Variants in CD247 observed in about 807,000 individuals in gnomAD.
The protein encoded by CD247 is T-cell surface glycoprotein CD3 zeta chain.
CD247 carries 13 observed loss-of-function variants against 30.0 expected under a neutral mutation model. The observed-to-expected ratio is 0.43, with a 90% confidence interval of 0.28 to 0.69. The LOEUF is 0.69. Among genes scored for constraint, CD247 ranks in the 30% least tolerant of loss-of-function variants. The pLI is 0.16. For missense variants in CD247, 193 were observed against 212.6 expected (o/e 0.91, Z 0.57); for synonymous variants, 72 against 80.0 (o/e 0.90, Z 0.53).
chr1:167,517,236 C>T (rs1267147435), intron 1 of CD247, among the ~76,000 whole-genome samples: 3 of 152,214 alleles, frequency 2.0e-5, no homozygotes, highest in Admixed American at 6.5e-5. Flanking sequence ...TCCCCCGAGG[C>T]GCTGGCCCGG....
intron 1 of CD247, among the ~76,000 whole-genome samples, chr1:167,490,049 T>C (rs1365269217): frequency 6.9e-6 from 1 of 144,778 alleles, no homozygotes. Flanking sequence ...CTGGCCCAAA[T>C]AGGGAACTGT....
intron 1 of CD247, among the ~76,000 whole-genome samples, chr1:167,499,398 G>A (rs938161662): frequency 7.2e-5 from 11 of 152,176 alleles, no homozygotes; most frequent in Non-Finnish European, 1.5e-4. Flanking sequence ...ATACCAGAAA[G>A]AGCAGCTGTT....
intron 1 of CD247, among the ~76,000 whole-genome samples, chr1:167,484,796 AAG>A (rs1654135541): frequency 1.3e-5 from 2 of 152,216 alleles, no homozygotes; most frequent in South Asian, 4.2e-4. Context: ...CAAAACAAAA[AAG>A]AGAAGGGCTT....
At chr1:167,506,666 T>C (rs1655152315) in intron 1 of CD247, among the ~76,000 whole-genome samples, 1 of 152,112 alleles carries the variant, frequency 6.6e-6, no homozygotes, top group Non-Finnish European at 1.5e-5. Context: ...AATCACGATA[T>C]TGCCACAGGC....
At chr1:167,473,855 A>C (rs2102052957) in intron 1 of CD247, among the ~76,000 whole-genome samples, 1 of 152,242 alleles carries the variant, frequency 6.6e-6, no homozygotes, top group South Asian at 2.1e-4. Flanking sequence ...TCCTTGTCAC[A>C]CTGACTCACG....
At chr1:167,468,563 C>A (rs554321093) in intron 1 of CD247, among the ~76,000 whole-genome samples, 1 of 152,226 alleles carries the variant, frequency 6.6e-6, no homozygotes, top group African/African-American at 2.4e-5. Context: ...TCCTGGTAGC[C>A]CAGCAGGAAC....
chr1:167,478,888 G>A (rs1002047907), intron 1 of CD247, among the ~76,000 whole-genome samples: 3 of 152,080 alleles, frequency 2.0e-5, no homozygotes, highest in South Asian at 2.1e-4. Context: ...AAGAATACTC[G>A]AAGAAAATAC....
At position 167,438,621 on chromosome 1, in the gene CD247, G is replaced by A. The variant is rs33937946; in HGVS notation, c.249C>T (p.Tyr83=). 68,810 of 1,613,172 alleles carry A rather than the reference G, an allele frequency of 0.043. 2,184 individuals carry two copies. The highest frequency in any genetic ancestry group is 0.16 in the African/African-American group (11,812 of 74,884). ...GGCCACGTCTCTTGTCCAAAACATCGTACTCCTCTCTTCGTCCTAGATTGA... is the reference window on the plus strand; with the variant it reads ...GGCCACGTCTCTTGTCCAAAACATCATACTCCTCTCTTCGTCCTAGATTGA... The part of the protein sequence containing the change: ...NELNLGRREE[Y]DVLDKRRGRD... Residue 83 remains tyrosine, a synonymous_variant, in exon 4 of 8, where the codon TAC becomes TAT. Coordinates refer to ENST00000362089, the MANE Select transcript of CD247 (RefSeq NM_198053.3).
intron 1 of CD247, among the ~76,000 whole-genome samples, chr1:167,514,855 C>G (rs1208511116): frequency 1.3e-5 from 2 of 152,150 alleles, no homozygotes; most frequent in Admixed American, 1.3e-4. Context: ...CTCAGGGCAA[C>G]TGGACCCTTC....
At chr1:167,457,258 G>A (rs1479688666) in intron 1 of CD247, 1 of 152,308 alleles carries the variant, frequency 6.6e-6, no homozygotes, top group Non-Finnish European at 1.5e-5. Flanking sequence ...GTTTGCTCAG[G>A]GCTATATGGA....
intron 1 of CD247, among the ~76,000 whole-genome samples, chr1:167,456,858 A>G (rs967739930): frequency 6.6e-6 from 1 of 152,156 alleles, no homozygotes; most frequent in Non-Finnish European, 1.5e-5. Flanking sequence ...TTGACATTGC[A>G]TGGCCATCTT....
At chr1:167,459,085 A>G (rs1462823479) in intron 1 of CD247, among the ~76,000 whole-genome samples, 3 of 151,696 alleles carry the variant, frequency 2.0e-5, no homozygotes, top group Non-Finnish European at 2.9e-5. Context: ...CGGTGAGCCG[A>G]GATCAAGCCA....
At chr1:167,462,657 G>C (rs1047063718) in intron 1 of CD247, among the ~76,000 whole-genome samples, 24 of 152,172 alleles carry the variant, frequency 1.6e-4, no homozygotes, top group African/African-American at 5.1e-4. Context: ...GGTTCCCGCC[G>C]CTGGGCCATT....
chr1:167,503,431 G>T (rs13376681), intron 1 of CD247, among the ~76,000 whole-genome samples: 1 of 152,140 alleles, frequency 6.6e-6, no homozygotes, highest in African/African-American at 2.4e-5. Context: ...ATGCCAAGAG[G>T]GGTGAAATTA....
intron 1 of CD247, among the ~76,000 whole-genome samples, chr1:167,456,448 T>TA (rs1311299304): frequency 6.6e-6 from 1 of 152,204 alleles, no homozygotes; most frequent in Non-Finnish European, 1.5e-5. Context: ...TGGAAATTTT[T>TA]AAAAGACAGG....
At chr1:167,456,316 G>A (rs572086667) in intron 1 of CD247, among the ~76,000 whole-genome samples, 2 of 152,296 alleles carry the variant, frequency 1.3e-5, no homozygotes, top group East Asian at 1.9e-4. Flanking sequence ...GAGGGACCAC[G>A]GTACGGAGGG....
intron 1 of CD247, among the ~76,000 whole-genome samples, chr1:167,513,229 G>C (rs1238856897): frequency 1.3e-5 from 2 of 151,776 alleles, no homozygotes; most frequent in Non-Finnish European, 2.9e-5. Flanking sequence ...AAAATATTAA[G>C]AAAAAAAGCA....
chr1:167,499,812 A>G (rs1330427547), intron 1 of CD247, among the ~76,000 whole-genome samples: 2 of 152,172 alleles, frequency 1.3e-5, no homozygotes, highest in African/African-American at 2.4e-5. Flanking sequence ...CTGATAACCA[A>G]TCTTGAGCAA....
intron 1 of CD247, among the ~76,000 whole-genome samples, chr1:167,504,383 G>A (rs559613418): frequency 1.3e-5 from 2 of 152,304 alleles, no homozygotes; most frequent in African/African-American, 2.4e-5. Context: ...ACATACAATC[G>A]CTTGCTCAGA....
Sources: allele counts gnomAD v4.1 joint callset (sites outside exome capture counted in the v4.1 genomes callset), GRCh38; gene constraint gnomAD v4.1.1; transcripts MANE v1.5; gene names NCBI Gene and HGNC (gene_info 2026-07-23, HGNC 2026-07-21).